Variants in DGKI observed in about 807,000 individuals in gnomAD.
DGKI encodes the protein diacylglycerol kinase iota, also known as DAG kinase iota.
In DGKI, 55 loss-of-function variants were observed where a neutral mutation model predicts 147.5. The observed-to-expected ratio is 0.37, with a 90% CI of 0.30 to 0.47. The LOEUF is 0.47. Ranked by LOEUF, DGKI falls within the 20% of genes least tolerant of loss-of-function variation. The pLI, the probability that DGKI is intolerant of heterozygous loss-of-function variation, is 1.00. For missense variants in DGKI, 1,007 were observed against 1,323.8 expected, an observed-to-expected ratio of 0.76 and a Z score of 3.71; for synonymous variants, 469 against 477.1, an observed-to-expected ratio of 0.98 and a Z score of 0.22.
intron 1 of DGKI, among the ~76,000 whole-genome samples, chr7:137,744,521 G>A (rs1795269012): frequency 6.6e-6 from 1 of 151,890 alleles, no homozygotes; most frequent in South Asian, 2.1e-4. Flanking sequence ...AATCAAGGAG[G>A]GTCTCCTCCT....
chr7:137,459,537 C>T (rs1358848453), intron 27 of DGKI, among the ~76,000 whole-genome samples: 6 of 143,494 alleles, frequency 4.2e-5, no homozygotes, highest in African/African-American at 1.1e-4. Flanking sequence ...TGCAGTGGCA[C>T]GGTCTTGGCT....
At chr7:137,683,691 T>C (rs1181734514) in intron 2 of DGKI, among the ~76,000 whole-genome samples, 3 of 152,338 alleles carry the variant, frequency 2.0e-5, no homozygotes, top group African/African-American at 7.2e-5. Context: ...TCAAAGAGTC[T>C]CCATCTGTGC....
intron 6 of DGKI, among the ~76,000 whole-genome samples, chr7:137,626,017 G>T (rs1424766283): frequency 6.6e-6 from 1 of 152,160 alleles, no homozygotes; most frequent in Non-Finnish European, 1.5e-5. Context: ...TACTTTGCTG[G>T]AGGAATTAGG....
At chr7:137,624,898 G>A (rs561689002) in intron 6 of DGKI, among the ~76,000 whole-genome samples, 7 of 151,890 alleles carry the variant, frequency 4.6e-5, no homozygotes, top group Admixed American at 1.3e-4. Context: ...GAGCCATCTC[G>A]CCCGGCCTTC....
intron 20 of DGKI, among the ~76,000 whole-genome samples, chr7:137,548,339 C>T (rs917913696): frequency 6.6e-6 from 1 of 152,244 alleles, no homozygotes; most frequent in Admixed American, 6.5e-5. Context: ...CCATCCAAAT[C>T]TCATGTTGAA....
chr7:137,478,743 G>A (rs1815266060), intron 23 of DGKI, among the ~76,000 whole-genome samples: 1 of 152,176 alleles, frequency 6.6e-6, no homozygotes, highest in African/African-American at 2.4e-5. Context: ...CCTGGAAAGG[G>A]GGTGAATATT....
At chr7:137,820,552 T>TG (rs1797866861) in intron 1 of DGKI, among the ~76,000 whole-genome samples, 2 of 152,122 alleles carry the variant, frequency 1.3e-5, no homozygotes, top group Non-Finnish European at 2.9e-5. Context: ...GGGCAAATGC[T>TG]GGGGGGAGAT....
At chr7:137,412,313 G>A in intron 28 of DGKI, 106 bp from the exon 29 acceptor site, 1 of 1,037,702 alleles carries the variant, frequency 9.6e-7, no homozygotes. Flanking sequence ...ATTTGGGGCA[G>A]GAATCAGGGA....
At chr7:137,478,801 G>A (rs75141897) in intron 23 of DGKI, among the ~76,000 whole-genome samples, 7,132 of 152,260 alleles carry the variant, frequency 0.047, 438 homozygotes, top group East Asian at 0.12. Flanking sequence ...GTTGGACCTG[G>A]CGATGTTCTC....
At chr7:137,812,113 T>C (rs899631007) in intron 1 of DGKI, among the ~76,000 whole-genome samples, 2 of 152,288 alleles carry the variant, frequency 1.3e-5, no homozygotes, top group African/African-American at 4.8e-5. Context: ...GCCCTTCACT[T>C]TCCATTCCCT....
chr7:137,819,183 T>C (rs1468204198), intron 1 of DGKI, among the ~76,000 whole-genome samples: 1 of 152,182 alleles, frequency 6.6e-6, no homozygotes, highest in African/African-American at 2.4e-5. Flanking sequence ...ATATAGCTAT[T>C]GAGTACAGCC....
At chr7:137,677,689 G>T (rs956011386) in intron 3 of DGKI, among the ~76,000 whole-genome samples, 2 of 152,066 alleles carry the variant, frequency 1.3e-5, no homozygotes, top group African/African-American at 4.8e-5. Flanking sequence ...CCTACATCTT[G>T]CTGCAAATAT....
At chr7:137,573,646 C>G (rs1818867959) in intron 17 of DGKI, among the ~76,000 whole-genome samples, 1 of 152,216 alleles carries the variant, frequency 6.6e-6, no homozygotes, top group Non-Finnish European at 1.5e-5. Flanking sequence ...CTCAGGTCAT[C>G]CACCCGCCTT....
rs770773093 is a variant in DGKI at position 137,436,347 on chromosome 7, A to T, written c.2761+7730T>A. ...TAAAAAATTCCCATCTTTAATAATC[A>T]CTTTCTACCCAATAAAAAGACCTCA... On this transcript the variant is annotated intron_variant, in intron 28 of 32. Coordinates refer to ENST00000614521, the MANE Select transcript of DGKI (RefSeq NM_001321708.2). Among the ~76,000 whole-genome samples, 23 of 152,106 alleles carry T rather than the reference A, an allele frequency of 1.5e-4. 1 individual carries two copies. The highest frequency in any genetic ancestry group is 3.3e-4 in the Admixed American group (5 of 15,262).
chr7:137,761,528 T>C (rs558615831), intron 1 of DGKI, among the ~76,000 whole-genome samples: 1 of 152,324 alleles, frequency 6.6e-6, no homozygotes, highest in South Asian at 2.1e-4. Flanking sequence ...TTTTCTTACC[T>C]GAATCCCTCA....
At chr7:137,732,146 A>G (rs898662950) in intron 1 of DGKI, among the ~76,000 whole-genome samples, 4 of 152,122 alleles carry the variant, frequency 2.6e-5, no homozygotes, top group Non-Finnish European at 4.4e-5. Flanking sequence ...TAGACCAAAT[A>G]GTGATCTAGT....
chr7:137,656,346 A>G, intron 4 of DGKI, 120 bp downstream of exon 4: 1 of 999,920 alleles, frequency 1.0e-6, no homozygotes, highest in Non-Finnish European at 1.5e-6. Flanking sequence ...ATAATGTTGG[A>G]CTTCCAGCTT....
In DGKI at chr7:137,384,483, T is replaced by C. The variant is rs1811130836; in HGVS notation, c.*6737A>G. 2 of 151,800 alleles carry C rather than the reference T, an allele frequency of 1.3e-5. No individual in the cohort carries two copies. Among genetic ancestry groups the C allele is most frequent in the Non-Finnish European group, 1.5e-5 (1 of 67,960 alleles). The allele number at this position is 151,800 out of a possible 1,614,324, so 9.4% of individuals were successfully genotyped here. A position where few individuals can be genotyped will look rare whatever the true frequency, so the allele number is the denominator to read the frequency against. On this transcript the variant is annotated 3_prime_UTR_variant, in exon 33 of 33. Transcript: ENST00000614521. Reference sequence around the variant, plus strand: ...CATCCTTGAAGGCAATGATGGAAAATGACTTACTTAGAAAACATGTTAATA... The same window carrying C: ...CATCCTTGAAGGCAATGATGGAAAACGACTTACTTAGAAAACATGTTAATA...
intron 1 of DGKI, among the ~76,000 whole-genome samples, chr7:137,779,783 G>A (rs1197381753): frequency 2.0e-5 from 3 of 152,156 alleles, no homozygotes; most frequent in Admixed American, 2.0e-4. Context: ...AGAGTGGGGA[G>A]TGGGAATGTA....
Sources: allele counts gnomAD v4.1 joint callset (sites outside exome capture counted in the v4.1 genomes callset), GRCh38; gene constraint gnomAD v4.1.1; transcripts MANE v1.5; gene names NCBI Gene and HGNC (gene_info 2026-07-23, HGNC 2026-07-21).